SORL1: variants seen among roughly 807,000 people sequenced by gnomAD.
SORL1 encodes the protein sortilin related receptor 1, also known as sortilin-related receptor.
A neutral mutation model predicts 273.7 loss-of-function variants in SORL1; 127 were observed. That is an observed-to-expected ratio of 0.46 (90% confidence interval 0.40 to 0.54). The LOEUF (loss-of-function observed/expected upper bound fraction) is 0.54. SORL1 is among the 20% of genes least tolerant of loss of function. SORL1 has a pLI of 0.00. For missense variants in SORL1, 2,494 were observed against 2,846.1 expected (o/e 0.88, Z 2.81); for synonymous variants, 1,031 against 1,067.4 (o/e 0.97, Z 0.66).
At chr11:121,502,985 C>T (rs1861734579) in intron 6 of SORL1, among the ~76,000 whole-genome samples, 1 of 152,108 alleles carries the variant, frequency 6.6e-6, no homozygotes, top group African/African-American at 2.4e-5. Context: ...ATCCTCCTAT[C>T]TCAGCCTCCC....
At chr11:121,487,938 A>C (rs748876126) in intron 3 of SORL1, 94 bp from the exon 4 acceptor site, 62 of 1,333,502 alleles carry the variant, frequency 4.6e-5, no homozygotes, top group Non-Finnish European at 6.1e-5. Context: ...GCCCCTGCAC[A>C]TGTGTGTACT....
Position 121,588,034 on chromosome 11 carries a change from C to T in SORL1, c.3829C>T (p.His1277Tyr). ...ATCCCTTACAGAGCCCCTCTGTACG[C>T]ACTTCATGGACTTTGTGTGTAAGAA... ...DEQHCEPLCT[H>Y]FMDFVCKNRQ... is the part of the protein sequence containing the mutation. The change falls in exon 28 of 48, where the codon CAC (histidine) becomes TAC (tyrosine). Residue 1277 changes from histidine to tyrosine, a missense_variant. His to Tyr is a moderately conservative substitution (Grantham distance 83, BLOSUM62 2). Around this residue, in one of 3 missense-constraint regions of SORL1, gnomAD observed 1,609 missense variants for 1,816.4 expected, o/e 0.89. Transcript: ENST00000260197. 1 of 1,613,478 alleles carries T rather than the reference C, an allele frequency of 6.2e-7. No homozygotes were observed. Among genetic ancestry groups the T allele is most frequent in the Non-Finnish European group, 8.5e-7 (1 of 1,179,632 alleles).
intron 14 of SORL1, among the ~76,000 whole-genome samples, chr11:121,546,690 A>G (rs1192352060): frequency 1.3e-5 from 2 of 152,008 alleles, no homozygotes; most frequent in East Asian, 1.9e-4. Flanking sequence ...CTGTGTTACA[A>G]CTCCTCACTT....
chr11:121,549,512 C>T (rs367618226), intron 14 of SORL1, among the ~76,000 whole-genome samples: 25 of 152,272 alleles, frequency 1.6e-4, no homozygotes, highest in African/African-American at 5.5e-4. Context: ...CAGGCGTGAA[C>T]CACCATGCCC....
At chr11:121,466,250 A>G (rs763923982) in intron 1 of SORL1, among the ~76,000 whole-genome samples, 1 of 151,928 alleles carries the variant, frequency 6.6e-6, no homozygotes, top group Non-Finnish European at 1.5e-5. Context: ...CGTCAAGGTT[A>G]TGTTCCTGGG....
intron 41 of SORL1, among the ~76,000 whole-genome samples, chr11:121,616,134 C>A (rs1258476058): frequency 6.6e-6 from 1 of 152,158 alleles, no homozygotes; most frequent in Non-Finnish European, 1.5e-5. Context: ...CATTTATATA[C>A]CTGGCAGCAC....
intron 11 of SORL1, among the ~76,000 whole-genome samples, chr11:121,524,921 C>T (rs1043646728): frequency 6.7e-6 from 1 of 150,162 alleles, no homozygotes; most frequent in African/African-American, 2.5e-5. Context: ...TGCTTTTTTT[C>T]TTTTTAAAAT....
At chr11:121,528,394 G>A (rs1261827588) in intron 11 of SORL1, among the ~76,000 whole-genome samples, 1 of 152,230 alleles carries the variant, frequency 6.6e-6, no homozygotes, top group Non-Finnish European at 1.5e-5. Context: ...AGGAGGTCAA[G>A]GTTGCAGTGA....
At chr11:121,513,226 G>A (rs1591306907) in intron 7 of SORL1, 122 bp downstream of exon 7, 3 of 753,224 alleles carry the variant, frequency 4.0e-6, no homozygotes, top group East Asian at 4.9e-5. Flanking sequence ...CTGAAGTCAG[G>A]TCTCTAGAGA....
At chr11:121,453,530 G>A (rs967242006) in intron 1 of SORL1, among the ~76,000 whole-genome samples, 1 of 151,988 alleles carries the variant, frequency 6.6e-6, no homozygotes, top group African/African-American at 2.4e-5. Context: ...GTCGGTGGGG[G>A]AGAAAAAGTA....
intron 2 of SORL1, among the ~76,000 whole-genome samples, chr11:121,472,886 G>T (rs889782406): frequency 2.6e-5 from 4 of 152,008 alleles, no homozygotes; most frequent in Non-Finnish European, 5.9e-5. Flanking sequence ...CTTGAACCCG[G>T]GAGGTGGAGG....
intron 46 of SORL1, chr11:121,626,209 G>C (rs142381304): frequency 6.6e-6 from 1 of 152,312 alleles, no homozygotes; most frequent in East Asian, 1.9e-4. Flanking sequence ...TTCCTGTGCA[G>C]ACCCCTCCCG....
chr11:121,459,218 G>A (rs992750960), intron 1 of SORL1, among the ~76,000 whole-genome samples: 9 of 152,178 alleles, frequency 5.9e-5, no homozygotes, highest in African/African-American at 1.9e-4. Flanking sequence ...TAATTTTAAC[G>A]AATTTAAAGT....
At chr11:121,453,962 G>A (rs1178826327) in intron 1 of SORL1, among the ~76,000 whole-genome samples, 2 of 152,198 alleles carry the variant, frequency 1.3e-5, no homozygotes. Flanking sequence ...GGGTGGGAGC[G>A]TTGGATTTCC....
intron 46 of SORL1, 79 bp downstream of exon 46, chr11:121,625,356 G>A (rs551053393): frequency 1.0e-4 from 125 of 1,193,888 alleles, no homozygotes; most frequent in Non-Finnish European, 1.4e-4. Flanking sequence ...ATGACCATGT[G>A]TCTTTCTAAA....
At chr11:121,584,710 G>A (rs1183454650) in intron 26 of SORL1, among the ~76,000 whole-genome samples, 2 of 152,044 alleles carry the variant, frequency 1.3e-5, no homozygotes, top group African/African-American at 4.8e-5. Context: ...TCCTACTTCA[G>A]CCTCCTGAGT....
At chr11:121,488,945 A>G (rs1861513692) in intron 4 of SORL1, among the ~76,000 whole-genome samples, 1 of 152,174 alleles carries the variant, frequency 6.6e-6, no homozygotes, top group Non-Finnish European at 1.5e-5. Flanking sequence ...TTAGGGAGTA[A>G]CCTAAGTATG....
At chr11:121,536,602 T>G (rs867071488) in intron 12 of SORL1, among the ~76,000 whole-genome samples, 2 of 149,666 alleles carry the variant, frequency 1.3e-5, no homozygotes, top group South Asian at 4.2e-4. Context: ...TAGAGACAGG[T>G]TTCGCCATGT....
Position 121,633,511 on chromosome 11 carries a change from T to C in SORL1, c.*3948T>C, listed in dbSNP as rs1251744375. On this transcript the variant is annotated 3_prime_UTR_variant, in exon 48 of 48. Coordinates refer to ENST00000260197, the MANE Select transcript of SORL1 (RefSeq NM_003105.6). ...TAAAGTGAAACACTGTATACTTGTT[T>C]CTCTCCAAAGCGAAATTAAGTATTT... The C allele has an allele frequency of 5.3e-5, 8 of 152,250 alleles. 1 individual carries two copies. Among genetic ancestry groups the C allele is most frequent in the Admixed American group, 4.6e-4 (7 of 15,282 alleles). The allele number at this position is 152,250 out of a possible 1,614,324, so 9.4% of individuals were successfully genotyped here.
Sources: gnomAD v4.1 joint callset for allele counts (sites outside exome capture counted in the v4.1 genomes callset) on GRCh38, gnomAD v4.1.1 for gene constraint, gnomAD v4.1.1 regional missense constraint, MANE v1.5 for transcripts, NCBI Gene and HGNC (gene_info 2026-07-23, HGNC 2026-07-21) for gene names.